The following CD200R1 variants were observed in gnomAD, a reference collection of about 807,000 sequenced individuals.
CD200R1 encodes CD200 receptor 1, also known as cell surface glycoprotein CD200 receptor 1.
In CD200R1, 30 loss-of-function variants were observed where a neutral mutation model predicts 38.1. That is an observed-to-expected ratio of 0.79 (90% CI 0.59 to 1.07). CD200R1 has a LOEUF of 1.07. Among genes scored for constraint, CD200R1 ranks in the 50% least tolerant of loss-of-function variants. CD200R1 has a pLI of 0.00. For synonymous variants in CD200R1, 128 were observed against 152.1 expected (o/e 0.84, Z 1.16); for missense variants, 372 against 415.4 (o/e 0.90, Z 0.91).
chr3:112,937,908 T>A (rs1459740292), intron 2 of CD200R1, among the ~76,000 whole-genome samples: 1 of 152,162 alleles, frequency 6.6e-6, no homozygotes, highest in African/African-American at 2.4e-5. Flanking sequence ...GTCCTTCACT[T>A]CCCTTGTTAG....
Position 112,924,528 on chromosome 3 carries a change from T to C in CD200R1, c.886A>G (p.Lys296Glu). The C allele has an allele frequency of 8.1e-7, 1 of 1,235,378 alleles. No homozygotes were observed. The highest frequency in any genetic ancestry group is 1.0e-6 in the Non-Finnish European group (1 of 952,986). 76.5% of individuals were successfully genotyped at this position (1,235,378 alleles called of 1,614,324 possible). A position where few individuals can be genotyped will look rare whatever the true frequency, so the allele number is the denominator to read the frequency against. The change falls in exon 7 of 8, where the codon AAA becomes GAA. Residue 296 changes from lysine to glutamate, a missense_variant. Transcript: ENST00000308611. ...LLKVNGCRKY[K>E]LNKTESTPVV... ...GGAGTAGATTCTGTTTTATTCAATT[T>C]ATATTTTCTATAAAAATAAAATAAA...
chr3:112,941,150 A>G (rs571426290), intron 2 of CD200R1, among the ~76,000 whole-genome samples: 1 of 151,874 alleles, frequency 6.6e-6, no homozygotes, highest in South Asian at 2.1e-4. Context: ...ATAGACTACA[A>G]AGGGTAAGGG....
intron 1 of CD200R1, among the ~76,000 whole-genome samples, chr3:112,962,471 G>T (rs1362836173): frequency 6.6e-6 from 1 of 151,950 alleles, no homozygotes; most frequent in African/African-American, 2.4e-5. Flanking sequence ...GTCTGTAGGG[G>T]GCTAATTAAA....
At chr3:112,949,718 C>A (rs1447255892) in intron 1 of CD200R1, among the ~76,000 whole-genome samples, 1 of 152,122 alleles carries the variant, frequency 6.6e-6, no homozygotes, top group African/African-American at 2.4e-5. Flanking sequence ...TGAGTTTAAG[C>A]CATGTTATTG....
intron 2 of CD200R1, among the ~76,000 whole-genome samples, chr3:112,941,635 T>TA (rs896459504): frequency 4.6e-5 from 7 of 151,254 alleles, no homozygotes; most frequent in Admixed American, 1.3e-4. Flanking sequence ...ATATTGTAGT[T>TA]AAAAAAATGA....
At chr3:112,931,399 G>A (rs183664242) in intron 2 of CD200R1, among the ~76,000 whole-genome samples, 4 of 152,166 alleles carry the variant, frequency 2.6e-5, no homozygotes, top group East Asian at 3.9e-4. Flanking sequence ...TTTCTCTTTC[G>A]TGATACACCT....
At chr3:112,955,428 T>C (rs34785091) in intron 1 of CD200R1, among the ~76,000 whole-genome samples, 207 of 152,284 alleles carry the variant, frequency 1.4e-3, no homozygotes, top group Admixed American at 2.8e-3. Flanking sequence ...GTTGGGTACA[T>C]ATATATATTT....
intron 1 of CD200R1, among the ~76,000 whole-genome samples, chr3:112,969,011 C>T (rs11707498): frequency 0.021 from 3,242 of 152,240 alleles, 46 homozygotes; most frequent in Non-Finnish European, 0.032. Context: ...CCCAGACACT[C>T]GCATTCTCAG....
intron 1 of CD200R1, among the ~76,000 whole-genome samples, chr3:112,948,476 A>C (rs1940911065): frequency 6.6e-6 from 1 of 152,212 alleles, no homozygotes; most frequent in African/African-American, 2.4e-5. Context: ...GTTACACCTC[A>C]GATCATCAGG....
chr3:112,930,196 C>T (rs1940394811), intron 3 of CD200R1, among the ~76,000 whole-genome samples: 1 of 151,158 alleles, frequency 6.6e-6, no homozygotes, highest in Admixed American at 6.6e-5. Context: ...ATAAGAGATG[C>T]TTAGAAATAT....
At chr3:112,941,709 T>G (rs1327890779) in intron 2 of CD200R1, among the ~76,000 whole-genome samples, 1 of 151,408 alleles carries the variant, frequency 6.6e-6, no homozygotes, top group Non-Finnish European at 1.5e-5. Context: ...TTTCAGACAC[T>G]AAATCACAGA....
rs72952156 is a variant in CD200R1 at position 112,975,054 on chromosome 3, C to T, written c.-197G>A. 54 of 552,486 alleles carry T rather than the reference C, an allele frequency of 9.8e-5. No homozygotes were observed. Among genetic ancestry groups the T allele is most frequent in the African/African-American group, 8.0e-4 (43 of 53,440 alleles). The allele number at this position is 552,486 out of a possible 1,614,324, so 34.2% of individuals were successfully genotyped here. On this transcript the variant is annotated 5_prime_UTR_variant, in exon 1 of 8. Transcript: ENST00000308611. Reference sequence around the variant, plus strand: ...GGTTTAGCCTGGTTAGTAACTTGGACGAACAGAAGCTTTTCTCTGGAACTT... The same window carrying T: ...GGTTTAGCCTGGTTAGTAACTTGGATGAACAGAAGCTTTTCTCTGGAACTT...
chr3:112,926,483 T>A (rs553860006), intron 5 of CD200R1, among the ~76,000 whole-genome samples: 104 of 152,312 alleles, frequency 6.8e-4, no homozygotes, highest in African/African-American at 2.4e-3. Flanking sequence ...TAGCAGAAGC[T>A]GAAGATCCAC....
chr3:112,932,535 G>C (rs532968044), intron 2 of CD200R1, among the ~76,000 whole-genome samples: 1 of 152,124 alleles, frequency 6.6e-6, no homozygotes, highest in African/African-American at 2.4e-5. Flanking sequence ...CATGGCCACA[G>C]ACATGTCCCC....
intron 1 of CD200R1, among the ~76,000 whole-genome samples, chr3:112,963,615 C>T (rs1933078434): frequency 6.6e-6 from 1 of 152,006 alleles, no homozygotes; most frequent in Non-Finnish European, 1.5e-5. Flanking sequence ...GCAAAGTATT[C>T]AAGATGCGAC....
At chr3:112,970,552 GATA>G (rs951575888) in intron 1 of CD200R1, among the ~76,000 whole-genome samples, 11 of 152,114 alleles carry the variant, frequency 7.2e-5, no homozygotes, top group African/African-American at 2.7e-4. Context: ...GTATGTGAGT[GATA>G]ATAAGGCAGA....
chr3:112,960,837 C>T (rs1932998903), intron 1 of CD200R1, among the ~76,000 whole-genome samples: 1 of 149,172 alleles, frequency 6.7e-6, no homozygotes, highest in South Asian at 2.1e-4. Context: ...AAATCAAATG[C>T]AATATATATT....
rs1940182947 is a variant in CD200R1 at position 112,922,182 on chromosome 3, A to G, written c.*1495T>C. 1 of 152,004 alleles carries G rather than the reference A, an allele frequency of 6.6e-6. No individual in the cohort carries two copies. The highest frequency in any genetic ancestry group is 2.4e-5 in the African/African-American group (1 of 41,430). The allele number at this position is 152,004 out of a possible 1,614,324, so 9.4% of individuals were successfully genotyped here. ...CTGAAATGTCTAGAGGGAGAAAAAT[A>G]TACTTATAAGACAAAATAGCTGTCT... On this transcript the variant is annotated 3_prime_UTR_variant, in exon 8 of 8. Transcript: ENST00000308611.
At chr3:112,940,013 T>A (rs1402836958) in intron 2 of CD200R1, among the ~76,000 whole-genome samples, 1 of 151,726 alleles carries the variant, frequency 6.6e-6, no homozygotes, top group African/African-American at 2.4e-5. Flanking sequence ...CAGAAATTAG[T>A]CCACATATAT....
Sources: gnomAD v4.1 joint callset for allele counts (sites outside exome capture counted in the v4.1 genomes callset) on GRCh38, gnomAD v4.1.1 for gene constraint, MANE v1.5 for transcripts, NCBI Gene and HGNC (gene_info 2026-07-23, HGNC 2026-07-21) for gene names.